Variants in FNBP1 observed in about 807,000 individuals in gnomAD.
FNBP1 encodes the protein formin binding protein 1.
In FNBP1, 26 loss-of-function variants were observed where a neutral mutation model predicts 90.6. The observed-to-expected ratio is 0.29, with a 90% CI of 0.21 to 0.40. The LOEUF is 0.40. FNBP1 is among the 10% of genes least tolerant of loss of function. The pLI, the probability that FNBP1 is intolerant of heterozygous loss-of-function variation, is 1.00. For missense variants in FNBP1, 635 were observed against 768.0 expected (o/e 0.83, Z 2.05); for synonymous variants, 260 against 265.2 (o/e 0.98, Z 0.19).
rs2059888911 is a variant in FNBP1 at position 130,042,210 on chromosome 9, G to A, written c.24+742C>T. ...CCCCTCACCGCCAACTTTCCCCACT[G>A]GAAACTATTCTCCGAGCAACCGTTA... On this transcript the variant is annotated intron_variant, in intron 1 of 16. Coordinates refer to ENST00000446176, the MANE Select transcript of FNBP1 (RefSeq NM_015033.3). This position sits in a 1 kb window ranked among gnomAD's most constrained non-coding sequence, Gnocchi z 5.5. 6.6e-6 allele frequency among the ~76,000 whole-genome samples: 1 copy of A among 151,952 alleles called. No individual in the cohort carries two copies. Among genetic ancestry groups the A allele is most frequent in the African/African-American group, 2.4e-5 (1 of 41,394 alleles).
Position 129,890,398 on chromosome 9 carries a change from GGAGA to G in FNBP1, c.*137_*140del. ...AGGGCAGGGCCGCAGGGAGCATGCTGGAGAGAGAGAGAGACCGCCCCGCAGGGAT... is the reference window on the plus strand; with the variant it reads ...AGGGCAGGGCCGCAGGGAGCATGCTGGAGAGAGAGACCGCCCCGCAGGGAT... On this transcript the variant is annotated 3_prime_UTR_variant, in exon 17 of 17. Coordinates refer to ENST00000446176, the MANE Select transcript of FNBP1 (RefSeq NM_015033.3). The surrounding 1 kb of genome is among the most constrained non-coding windows in gnomAD (Gnocchi z 5.8). 7.2e-6 allele frequency: 4 copies of G among 558,200 alleles called. No individual in the cohort carries two copies. Among genetic ancestry groups the G allele is most frequent in the Non-Finnish European group, 3.3e-6 (1 of 307,360 alleles). 34.6% of individuals were successfully genotyped at this position (558,200 alleles called of 1,614,324 possible). A position where few individuals can be genotyped will look rare whatever the true frequency, so the allele number is the denominator to read the frequency against.
At chr9:129,919,682 G>C (rs979670265) in intron 10 of FNBP1, among the ~76,000 whole-genome samples, 1 of 152,170 alleles carries the variant, frequency 6.6e-6, no homozygotes, top group African/African-American at 2.4e-5. Context: ...ATGTTTGCAT[G>C]GGATTTATAT....
intron 15 of FNBP1, 120 bp downstream of exon 15, chr9:129,899,845 A>T: frequency 1.2e-6 from 1 of 867,714 alleles, no homozygotes; most frequent in South Asian, 2.8e-5. Flanking sequence ...GGAAGGAAGG[A>T]AGGAAGGACA....
At position 130,009,796 on chromosome 9, in the gene FNBP1, G is replaced by A. The variant is rs181604075; in HGVS notation, c.25-14838C>T. Among the ~76,000 whole-genome samples, 249 of 151,958 alleles carry A rather than the reference G, an allele frequency of 1.6e-3. 2 individuals are homozygous for A. Among genetic ancestry groups the A allele is most frequent in the Middle Eastern group, 6.8e-3 (2 of 294 alleles). ...CAGCCTGGTAACAGAGCAAGACTCC[G>A]TCTCATAACAAAAACAAAAAACAAA... is the stretch of plus-strand genomic sequence containing the variant. On this transcript the variant is annotated intron_variant, in intron 1 of 16. Coordinates refer to ENST00000446176, the MANE Select transcript of FNBP1 (RefSeq NM_015033.3).
rs757294604 is a variant in FNBP1 at position 129,908,989 on chromosome 9, G to A, written c.1196C>T (p.Pro399Leu). 9.9e-6 allele frequency: 16 copies of A among 1,610,902 alleles called. No individual in the cohort carries two copies. The highest frequency in any genetic ancestry group is 3.3e-5 in the Admixed American group (2 of 59,942). Residue 399 changes from proline (P) to leucine (L), a missense_variant, in exon 12 of 17, where the codon CCG becomes CTG. Pro to Leu is a moderately conservative substitution (Grantham distance 98, BLOSUM62 -3). Coordinates refer to ENST00000446176, the MANE Select transcript of FNBP1 (RefSeq NM_015033.3). ...AGGTGGGAGGTTGCTGAAATCCTCCGGTGTTGCACCCTGCAGACACAAATA... is the reference window on the plus strand; with the variant it reads ...AGGTGGGAGGTTGCTGAAATCCTCCAGTGTTGCACCCTGCAGACACAAATA... Reference protein sequence around the residue: ...RGLSLKLGATPEDFSNLPPEQ... With the variant: ...RGLSLKLGATLEDFSNLPPEQ...
intron 1 of FNBP1, among the ~76,000 whole-genome samples, chr9:130,014,438 G>T (rs2057009089): frequency 6.6e-6 from 1 of 151,780 alleles, no homozygotes; most frequent in Non-Finnish European, 1.5e-5. Context: ...TTTTAGTAGA[G>T]ATGGGGTTTT....
At chr9:130,046,699 C>T (rs771527275), upstream of FNBP1, among the ~76,000 whole-genome samples, 7 of 144,428 alleles carry the variant, frequency 4.8e-5, no homozygotes, top group Non-Finnish European at 9.0e-5. Flanking sequence ...ACCCAGGAGG[C>T]GGAGGGTGCG....
At chr9:129,958,406 T>C in intron 5 of FNBP1, 85 bp downstream of exon 5, 1 of 1,047,818 alleles carries the variant, frequency 9.5e-7, no homozygotes, top group South Asian at 1.4e-5. Context: ...CACTCCAACC[T>C]GGGCAACAGA....
At position 129,915,891 on chromosome 9, in the gene FNBP1, A is replaced by G. The variant is rs189610402; in HGVS notation, c.1185+75T>C. 56 of 1,020,366 alleles carry G rather than the reference A, an allele frequency of 5.5e-5. 1 individual carries two copies. The East Asian group carries it at 6.7e-4, about 12-fold the overall frequency. The allele number at this position is 1,020,366 out of a possible 1,614,324, so 63.2% of individuals were successfully genotyped here. ...AGTTAACTTTGAAGATACGTTGTGC[A>G]TGGCATAGCATTCATAAAAGACACG... On this transcript the variant is annotated intron_variant, in intron 11 of 16. Transcript: ENST00000446176.
chr9:129,963,663 G>A (rs1274536655), intron 4 of FNBP1, among the ~76,000 whole-genome samples: 1 of 143,426 alleles, frequency 7.0e-6, no homozygotes, highest in Non-Finnish European at 1.5e-5. Flanking sequence ...CACCCATGCT[G>A]GAGTGCAGTG....
At chr9:129,935,305 A>G (rs548892632) in intron 6 of FNBP1, among the ~76,000 whole-genome samples, 4 of 151,826 alleles carry the variant, frequency 2.6e-5, no homozygotes, top group African/African-American at 4.8e-5. Flanking sequence ...GTTTAATTCA[A>G]TATTACTTTT....
chr9:129,903,114 C>T (rs1455035526), intron 12 of FNBP1, 113 bp from the exon 13 acceptor site: 67 of 1,026,960 alleles, frequency 6.5e-5, no homozygotes, highest in Non-Finnish European at 9.0e-5. Flanking sequence ...CTCACTGCAA[C>T]GATCTTGGCT....
chr9:130,033,661 A>AC (rs921181007), intron 1 of FNBP1, among the ~76,000 whole-genome samples: 59 of 147,986 alleles, frequency 4.0e-4, no homozygotes, highest in South Asian at 1.1e-3. Context: ...ACACAGGAAG[A>AC]CCCCCCCACC....
chr9:129,979,203 G>A (rs2050804941), intron 3 of FNBP1, 115 bp downstream of exon 3: 4 of 607,226 alleles, frequency 6.6e-6, no homozygotes, highest in African/African-American at 1.8e-5. Context: ...TTTAAAAACT[G>A]ACACAAAATG....
At chr9:130,014,344 G>A (rs958487771) in intron 1 of FNBP1, among the ~76,000 whole-genome samples, 4 of 150,632 alleles carry the variant, frequency 2.7e-5, no homozygotes, top group African/African-American at 7.3e-5. Flanking sequence ...CTCTGCCTCC[G>A]AGGTTCAAGC....
intron 16 of FNBP1, among the ~76,000 whole-genome samples, chr9:129,893,036 G>A (rs185508180): frequency 7.2e-5 from 11 of 152,196 alleles, no homozygotes; most frequent in East Asian, 1.9e-4. Context: ...GGTTAATGTC[G>A]TCTTGCCCTA....
chr9:130,045,450 T>C (rs944793856), upstream of FNBP1, among the ~76,000 whole-genome samples: 2 of 152,198 alleles, frequency 1.3e-5, no homozygotes, highest in African/African-American at 4.8e-5. Flanking sequence ...TCAAAAACAG[T>C]GACCACTTGT....
chr9:129,984,735 G>T (rs186279850), intron 2 of FNBP1, among the ~76,000 whole-genome samples: 15 of 152,028 alleles, frequency 9.9e-5, no homozygotes, highest in Admixed American at 3.3e-4. Context: ...TGAATCATGG[G>T]GGGGGCCGGT....
chr9:129,890,141 C>T lies in FNBP1; in HGVS notation c.*398G>A. 2.9e-6 allele frequency: 1 copy of T among 343,984 alleles called. No homozygotes were observed. 21.3% of individuals were successfully genotyped at this position (343,984 alleles called of 1,614,324 possible). Reference sequence around the variant, plus strand: ...ATGTGCGCTGGACCTGCCTTGTCTCCTCAGGGGACCCGTGATGACACTTTC... The same window carrying T: ...ATGTGCGCTGGACCTGCCTTGTCTCTTCAGGGGACCCGTGATGACACTTTC... On this transcript the variant is annotated 3_prime_UTR_variant, in exon 17 of 17. Transcript: ENST00000446176. The surrounding 1 kb of genome is among the most constrained non-coding windows in gnomAD (Gnocchi z 5.8).
Sources: gnomAD v4.1 joint callset for allele counts (sites outside exome capture counted in the v4.1 genomes callset) on GRCh38, gnomAD v4.1.1 for gene constraint, Gnocchi (gnomAD v3.1) non-coding constraint, MANE v1.5 for transcripts, NCBI Gene and HGNC (gene_info 2026-07-23, HGNC 2026-07-21) for gene names.